BRD1: variants seen among roughly 807,000 people sequenced by gnomAD.
BRD1 encodes the protein bromodomain-containing protein 1.
A neutral mutation model predicts 107.7 loss-of-function variants in BRD1; 24 were observed. The ratio of observed to expected loss-of-function variants is 0.22; its 90% CI spans 0.16 to 0.31. The LOEUF is 0.31. Ranked by LOEUF, BRD1 falls within the 10% of genes least tolerant of loss-of-function variation. The probability of loss-of-function intolerance (pLI) is 1.00; values close to 1 mark genes in which losing one functional copy is unlikely to be tolerated. For synonymous variants in BRD1, 744 were observed against 686.1 expected (o/e 1.08, Z -1.32); for missense variants, 1,279 against 1,638.6 (o/e 0.78, Z 3.79).
intron 8 of BRD1, among the ~76,000 whole-genome samples, chr22:49,781,594 T>C (rs926938032): frequency 2.0e-5 from 3 of 152,166 alleles, no homozygotes; most frequent in Admixed American, 2.0e-4. Flanking sequence ...CAACACGGGA[T>C]ACAAGCCCGC....
intron 2 of BRD1, among the ~76,000 whole-genome samples, chr22:49,808,627 C>T (rs902733582): frequency 1.3e-5 from 2 of 152,164 alleles, no homozygotes; most frequent in South Asian, 2.1e-4. Flanking sequence ...ACAGCAATAT[C>T]AAAGTGCTTC....
rs1569079547 is a variant in BRD1 at position 49,775,813 on chromosome 22, GCACC to G, written c.3232-72_3232-69del. 5 of 1,320,776 alleles carry G rather than the reference GCACC, an allele frequency of 3.8e-6. No individual in the cohort carries two copies. In the African/African-American group the frequency reaches 8.6e-5, roughly 23 times the overall value. The allele number at this position is 1,320,776 out of a possible 1,614,324, so 81.8% of individuals were successfully genotyped here. A position where few individuals can be genotyped will look rare whatever the true frequency, so the allele number is the denominator to read the frequency against. On this transcript the variant is annotated intron_variant, in intron 11 of 12. Transcript: ENST00000404760. ...CCATAAACAACCCCACCTGTCACTG[GCACC>G]CCCCCCCGCCTCCCCACCCCAGCTG... is the stretch of plus-strand genomic sequence containing the variant.
Position 49,809,223 on chromosome 22 carries a change from T to TTG in BRD1, c.1368-4865_1368-4864dup, listed in dbSNP as rs142784454. On this transcript the variant is annotated intron_variant, in intron 2 of 12. Coordinates refer to ENST00000404760, the MANE Select transcript of BRD1 (RefSeq NM_001304808.3). The stretch of plus-strand genomic sequence containing the variant: ...CAGTCTAAAGTTGCTAATGAAGAGG[T>TTG]TGTCAATCTGGTTAAAAATTTAAAA... Among the ~76,000 whole-genome samples the TTG allele has an allele frequency of 9.2e-3, 1,402 of 151,848 alleles. 26 individuals are homozygous for TTG. Among genetic ancestry groups the TTG allele is most frequent in the African/African-American group, 0.033 (1,357 of 41,432 alleles).
At chr22:49,785,776 C>A (rs763019494) in intron 8 of BRD1, among the ~76,000 whole-genome samples, 2 of 152,204 alleles carry the variant, frequency 1.3e-5, no homozygotes, top group Non-Finnish European at 2.9e-5. Flanking sequence ...AATTTTCATA[C>A]AAATCAAAAT....
chr22:49,793,961 G>A, intron 7 of BRD1, 73 bp downstream of exon 7: 3 of 1,545,702 alleles, frequency 1.9e-6, no homozygotes, highest in Non-Finnish European at 2.6e-6. Flanking sequence ...CCGTGTCTGG[G>A]TCTGTGCCTG....
chr22:49,804,255 G>A lies in BRD1; in HGVS notation c.1473C>T (p.Pro491=). 6.2e-7 allele frequency: 1 copy of A among 1,609,288 alleles called. No individual in the cohort carries two copies. The highest frequency in any genetic ancestry group is 8.5e-7 in the Non-Finnish European group (1 of 1,177,804). ...GGCTGGACTGCAGCCGCCGCAGCAG[G>A]GGGGCCCCGTTCCTGGACAGCCGCT... ...LLKRLSRNGA[P]LLRRLQSSLQ... Residue 491 remains proline (P), a synonymous_variant, in exon 3 of 13, where the codon CCC becomes CCT. Coordinates refer to ENST00000404760, the MANE Select transcript of BRD1 (RefSeq NM_001304808.3).
chr22:49,782,095 T>G (rs1241809707), intron 8 of BRD1, among the ~76,000 whole-genome samples: 2 of 147,384 alleles, frequency 1.4e-5, no homozygotes, highest in South Asian at 4.3e-4. Flanking sequence ...ACAATGCAGC[T>G]GGGACGGTCA....
At chr22:49,779,490 G>A (rs1420132265) in intron 8 of BRD1, among the ~76,000 whole-genome samples, 1 of 152,170 alleles carries the variant, frequency 6.6e-6, no homozygotes, top group Non-Finnish European at 1.5e-5. Flanking sequence ...AATGTACCGT[G>A]ACCTCCAAGG....
At chr22:49,810,343 A>G (rs1279136928) in intron 2 of BRD1, among the ~76,000 whole-genome samples, 1 of 152,136 alleles carries the variant, frequency 6.6e-6, no homozygotes, top group Non-Finnish European at 1.5e-5. Flanking sequence ...ACACAGTGAG[A>G]CCCCAGCTCT....
intron 2 of BRD1, among the ~76,000 whole-genome samples, chr22:49,815,420 G>T (rs1480150175): frequency 6.6e-6 from 1 of 152,098 alleles, no homozygotes; most frequent in Non-Finnish European, 1.5e-5. Flanking sequence ...ACGTGCACCT[G>T]TAATTCCGGC....
chr22:49,786,695 G>A (rs1293114746), intron 8 of BRD1, among the ~76,000 whole-genome samples: 1 of 152,172 alleles, frequency 6.6e-6, no homozygotes, highest in Admixed American at 6.5e-5. Context: ...CTGACTGAGG[G>A]TTGCAGAGTC....
At chr22:49,790,507 A>G (rs1469442372) in intron 7 of BRD1, among the ~76,000 whole-genome samples, 1 of 152,236 alleles carries the variant, frequency 6.6e-6, no homozygotes, top group African/African-American at 2.4e-5. Flanking sequence ...CTTGTCACAT[A>G]TTCCAAATGG....
rs2059249692 is a variant in BRD1, at chr22:49,783,267, C to T, written c.2857+4123G>A. On this transcript the variant is annotated intron_variant, in intron 8 of 12. Transcript: ENST00000404760. This position sits in a 1 kb window ranked among gnomAD's most constrained non-coding sequence, Gnocchi z 4.2. ...CTTCTCAGTTGGCCGCAGGGGCACT[C>T]AGCGTGGTGACCAGCAAGAGACAAA... Among the ~76,000 whole-genome samples the T allele has an allele frequency of 6.6e-6, 1 of 152,280 alleles. No individual in the cohort carries two copies. The highest frequency in any genetic ancestry group is 6.5e-5 in the Admixed American group (1 of 15,292).
In BRD1 at chr22:49,827,827, C is replaced by G. The variant is rs1325218061; in HGVS notation, c.-345G>C. Among the ~76,000 whole-genome samples the G allele has an allele frequency of 6.9e-6, 1 of 145,008 alleles. No homozygotes were observed. The highest frequency in any genetic ancestry group is 1.5e-5 in the Non-Finnish European group (1 of 65,614). On this transcript the variant is annotated 5_prime_UTR_variant, in exon 1 of 13. Coordinates refer to ENST00000404760, the MANE Select transcript of BRD1 (RefSeq NM_001304808.3). The stretch of plus-strand genomic sequence containing the variant: ...GCGCGGGACGCGGGGCTGGCTCGGA[C>G]TCCAGGGCCGGGTCGCTCGCTCGCT...
chr22:49,785,025 G>A (rs961589124), intron 8 of BRD1, among the ~76,000 whole-genome samples: 13 of 152,226 alleles, frequency 8.5e-5, no homozygotes, highest in African/African-American at 2.9e-4. Context: ...AAGCCACCAT[G>A]GGCCACGCTC....
chr22:49,827,064 C>T (rs887049580), intron 1 of BRD1, among the ~76,000 whole-genome samples: 1 of 151,986 alleles, frequency 6.6e-6, no homozygotes, highest in Non-Finnish European at 1.5e-5. Context: ...AGGGAGTTCC[C>T]GTCTTGGCAG....
At chr22:49,779,417 G>A (rs139662531) in intron 8 of BRD1, among the ~76,000 whole-genome samples, 1 of 152,198 alleles carries the variant, frequency 6.6e-6, no homozygotes, top group Non-Finnish European at 1.5e-5. Context: ...CACAGATTGG[G>A]CGGGTGCACT....
chr22:49,798,695 G>C lies in BRD1; in HGVS notation c.1657-9C>G, dbSNP rs767689133. ...ACCTGCTCCACCTTCACCTGGGGGG[G>C]CCCAGCAGAGCCTCAGCTTTAGGGA... On this transcript the variant is annotated splice_polypyrimidine_tract_variant and intron_variant, in intron 4 of 12. Transcript: ENST00000404760. 25 of 1,587,466 alleles carry C rather than the reference G, an allele frequency of 1.6e-5. No individual in the cohort carries two copies. In the African/African-American group the frequency reaches 3.4e-4, roughly 21 times the overall value.
chr22:49,775,411 C>T (rs968109473), intron 12 of BRD1, 180 bp downstream of exon 12: 22 of 540,052 alleles, frequency 4.1e-5, no homozygotes, highest in Middle Eastern at 5.4e-4. Flanking sequence ...ACAGTCCCGG[C>T]GAGGGGGCTG....
Sources: gnomAD v4.1 joint callset for allele counts (sites outside exome capture counted in the v4.1 genomes callset) on GRCh38, gnomAD v4.1.1 for gene constraint, Gnocchi (gnomAD v3.1) non-coding constraint, MANE v1.5 for transcripts, NCBI Gene and HGNC (gene_info 2026-07-23, HGNC 2026-07-21) for gene names.